The following CFAP299 variants were observed in gnomAD, a reference collection of about 807,000 sequenced individuals.
CFAP299 encodes the protein cilia- and flagella-associated protein 299.
Under a neutral mutation model 27.0 loss-of-function variants are expected in CFAP299, and 21 were observed. The observed-to-expected ratio is 0.78, with a 90% CI of 0.55 to 1.12. The LOEUF (loss-of-function observed/expected upper bound fraction) is 1.12. Ranked by LOEUF, CFAP299 falls within the 50% of genes most tolerant of loss-of-function variation. The pLI is 0.00. For missense variants in CFAP299, 310 were observed against 276.6 expected (o/e 1.12, Z -0.86); for synonymous variants, 104 against 98.1 (o/e 1.06, Z -0.36).
chr4:80,557,798 C>T (rs1474740286), intron 2 of CFAP299, among the ~76,000 whole-genome samples: 1 of 152,056 alleles, frequency 6.6e-6, no homozygotes, highest in Non-Finnish European at 1.5e-5. Flanking sequence ...AAGGACAAAG[C>T]AAGAACAAAC....
At chr4:80,619,136 A>C (rs1209355073) in intron 3 of CFAP299, among the ~76,000 whole-genome samples, 1 of 152,190 alleles carries the variant, frequency 6.6e-6, no homozygotes, top group Non-Finnish European at 1.5e-5. Context: ...TATAAAAATA[A>C]TTACTTCTCA....
chr4:80,858,651 T>A (rs1278000925), intron 3 of CFAP299, among the ~76,000 whole-genome samples: 1 of 152,226 alleles, frequency 6.6e-6, no homozygotes, highest in Non-Finnish European at 1.5e-5. Flanking sequence ...TATTTCTGCC[T>A]TCATTTCATT....
intron 2 of CFAP299, among the ~76,000 whole-genome samples, chr4:80,543,908 T>C (rs1479737116): frequency 6.8e-6 from 1 of 148,112 alleles, no homozygotes; most frequent in Non-Finnish European, 1.5e-5. Flanking sequence ...CCATGGTCAG[T>C]GGAAAAGAAA....
At chr4:80,886,649 A>C (rs528939986) in intron 4 of CFAP299, among the ~76,000 whole-genome samples, 4 of 152,144 alleles carry the variant, frequency 2.6e-5, no homozygotes, top group Non-Finnish European at 5.9e-5. Flanking sequence ...ACAATAAATA[A>C]TTAACTCATC....
intron 2 of CFAP299, among the ~76,000 whole-genome samples, chr4:80,417,547 C>T (rs755091015): frequency 6.6e-6 from 1 of 152,174 alleles, no homozygotes; most frequent in East Asian, 1.9e-4. Flanking sequence ...CGTTACTCTT[C>T]GGTTTCCATT....
intron 2 of CFAP299, among the ~76,000 whole-genome samples, chr4:80,533,029 A>G (rs541164875): frequency 6.6e-6 from 1 of 152,308 alleles, no homozygotes; most frequent in East Asian, 1.9e-4. Context: ...TCTATTTCCC[A>G]TCTAACAATA....
intron 2 of CFAP299, among the ~76,000 whole-genome samples, chr4:80,495,777 TAGCATCTGCTC>T: frequency 6.6e-6 from 1 of 152,362 alleles, no homozygotes; most frequent in South Asian, 2.1e-4. Flanking sequence ...AGCATGATAC[TAGCATCTGCTC>T]AGCTTCTAAG....
intron 4 of CFAP299, among the ~76,000 whole-genome samples, chr4:80,925,419 A>T (rs978460967): frequency 3.3e-5 from 5 of 151,966 alleles, no homozygotes; most frequent in Non-Finnish European, 7.4e-5. Context: ...GGGGTGTCTG[A>T]TGCTTCTGTC....
chr4:80,493,759 CTTTTTTTTTTTTT>C (rs1177389983), intron 2 of CFAP299, among the ~76,000 whole-genome samples: 12 of 76,768 alleles, frequency 1.6e-4, no homozygotes, highest in East Asian at 4.5e-4. Flanking sequence ...ATCTCATATT[CTTTTTTTTTTTTT>C]TTTTTTTTTT....
intron 2 of CFAP299, among the ~76,000 whole-genome samples, chr4:80,433,866 T>C (rs539711895): frequency 5.3e-5 from 8 of 152,282 alleles, no homozygotes; most frequent in Non-Finnish European, 1.0e-4. Flanking sequence ...TTGTAACCAG[T>C]ATCATCAGGT....
chr4:80,928,713 A>C (rs999153542), intron 4 of CFAP299, among the ~76,000 whole-genome samples: 3 of 152,156 alleles, frequency 2.0e-5, no homozygotes, highest in African/African-American at 7.2e-5. Flanking sequence ...TACTAACAGC[A>C]AAGATTACTT....
chr4:80,553,715 CT>C (rs913079962), intron 2 of CFAP299, among the ~76,000 whole-genome samples: 1 of 151,970 alleles, frequency 6.6e-6, no homozygotes, highest in East Asian at 1.9e-4. Flanking sequence ...AAGATGGTAT[CT>C]TTTTTTGATT....
chr4:80,594,931 A>G (rs187447612), intron 3 of CFAP299, among the ~76,000 whole-genome samples: 36 of 152,262 alleles, frequency 2.4e-4, no homozygotes, highest in African/African-American at 7.9e-4. Flanking sequence ...CTGTGACTGG[A>G]GAGGAGCTTT....
chr4:80,841,057 C>T (rs1274869365), intron 3 of CFAP299, among the ~76,000 whole-genome samples: 1 of 152,090 alleles, frequency 6.6e-6, no homozygotes, highest in Admixed American at 6.6e-5. Context: ...TGTATAATTA[C>T]ATACTAGAAT....
At chr4:80,784,544 T>C (rs1413237399) in intron 3 of CFAP299, among the ~76,000 whole-genome samples, 1 of 151,950 alleles carries the variant, frequency 6.6e-6, no homozygotes, top group Non-Finnish European at 1.5e-5. Flanking sequence ...TGAGACGGAG[T>C]TTCGCTCTTG....
At chr4:80,509,657 A>T (rs1732199776) in intron 2 of CFAP299, among the ~76,000 whole-genome samples, 2 of 152,174 alleles carry the variant, frequency 1.3e-5, no homozygotes, top group South Asian at 4.1e-4. Flanking sequence ...AAAACTATTC[A>T]TTAGGGAAAT....
intron 2 of CFAP299, among the ~76,000 whole-genome samples, chr4:80,554,565 A>T (rs1734699300): frequency 6.9e-6 from 1 of 144,856 alleles, no homozygotes; most frequent in African/African-American, 2.6e-5. Context: ...TAGAAATAGC[A>T]TTGAATCTAT....
At chr4:80,826,350 A>T (rs1729986698) in intron 3 of CFAP299, among the ~76,000 whole-genome samples, 1 of 151,816 alleles carries the variant, frequency 6.6e-6, no homozygotes, top group African/African-American at 2.4e-5. Context: ...TATCAAAAGG[A>T]CAGAAGTTTC....
chr4:80,388,108 C>A lies in CFAP299; in HGVS notation c.242+25224C>A. 3 of 687,366 alleles carry A rather than the reference C, an allele frequency of 4.4e-6. No individual in the cohort carries two copies. In the East Asian group the frequency reaches 7.8e-5, roughly 18 times the overall value. The allele number at this position is 687,366 out of a possible 1,614,324, so 42.6% of individuals were successfully genotyped here. On this transcript the variant is annotated intron_variant, in intron 2 of 5. Coordinates refer to ENST00000358105, the MANE Select transcript of CFAP299 (RefSeq NM_152770.3). Reference sequence around the variant, plus strand: ...CACTGTACACCTTCACCACACCATTCCCACCAGGATTGGGATGCCCAGGGG... The same window carrying A: ...CACTGTACACCTTCACCACACCATTACCACCAGGATTGGGATGCCCAGGGG...
Sources: gnomAD v4.1 joint callset for allele counts (sites outside exome capture counted in the v4.1 genomes callset) on GRCh38, gnomAD v4.1.1 for gene constraint, MANE v1.5 for transcripts, NCBI Gene and HGNC (gene_info 2026-07-23, HGNC 2026-07-21) for gene names.